WDR37: variants seen among roughly 807,000 people sequenced by gnomAD.
WDR37 encodes WD repeat domain 37, also known as WD repeat-containing protein 37.
Under a neutral mutation model 62.9 loss-of-function variants are expected in WDR37, and 19 were observed. That is an observed-to-expected ratio of 0.30 (90% CI 0.21 to 0.44). The LOEUF (loss-of-function observed/expected upper bound fraction) is 0.44. WDR37 is among the 20% of genes least tolerant of loss of function. WDR37 has a pLI of 1.00. For synonymous variants in WDR37, 250 were observed against 260.9 expected, an observed-to-expected ratio of 0.96 and a Z score of 0.40; for missense variants, 474 against 657.6, an observed-to-expected ratio of 0.72 and a Z score of 3.05.
intron 1 of WDR37, among the ~76,000 whole-genome samples, chr10:1,059,615 G>T (rs1833308826): frequency 6.6e-6 from 1 of 151,846 alleles, no homozygotes; most frequent in African/African-American, 2.4e-5. Flanking sequence ...TGGCCAGGAT[G>T]GTGAAACCCC....
Position 1,103,977 on chromosome 10 carries a change from T to G in WDR37, c.961+141T>G. 2.5e-6 allele frequency: 2 copies of G among 808,790 alleles called. No homozygotes were observed. Among genetic ancestry groups the G allele is most frequent in the Non-Finnish European group, 3.8e-6 (2 of 521,676 alleles). The allele number at this position is 808,790 out of a possible 1,614,324, so 50.1% of individuals were successfully genotyped here. ...CTCTTCTGTGGTAATTTTTGGAGATTCTTTCTATTAATAATAGAACTATTG... is the reference window on the plus strand; with the variant it reads ...CTCTTCTGTGGTAATTTTTGGAGATGCTTTCTATTAATAATAGAACTATTG... On this transcript the variant is annotated intron_variant, in intron 10 of 13. Transcript: ENST00000263150. The surrounding 1 kb of genome is among the most constrained non-coding windows in gnomAD (Gnocchi z 6.3).
chr10:1,101,529 C>G (rs531648738), intron 9 of WDR37, among the ~76,000 whole-genome samples: 1 of 152,162 alleles, frequency 6.6e-6, no homozygotes, highest in East Asian at 1.9e-4. Flanking sequence ...GTGAGGACTT[C>G]GACACAGGAA....
chr10:1,103,491 TG>T lies in WDR37; in HGVS notation c.727-109del. 1 of 1,166,342 alleles carries T rather than the reference TG, an allele frequency of 8.6e-7. No individual in the cohort carries two copies. Among genetic ancestry groups the T allele is most frequent in the Non-Finnish European group, 1.2e-6 (1 of 823,700 alleles). 72.2% of individuals were successfully genotyped at this position (1,166,342 alleles called of 1,614,324 possible). ...AGGCTCCTAGTGGTGACCATCATGA[TG>T]GATATGTCCTCAAGAGATTAATGAG... On this transcript the variant is annotated intron_variant, in intron 9 of 13. Transcript: ENST00000263150. This position sits in a 1 kb window ranked among gnomAD's most constrained non-coding sequence, Gnocchi z 6.3.
intron 13 of WDR37, among the ~76,000 whole-genome samples, chr10:1,127,772 G>A (rs1343980375): frequency 1.3e-5 from 2 of 152,116 alleles, no homozygotes; most frequent in African/African-American, 4.8e-5. Flanking sequence ...GGGGCCCCGT[G>A]CTGAGCGTCC....
At chr10:1,128,076 CTTATAA>C (rs1417990136) in intron 13 of WDR37, among the ~76,000 whole-genome samples, 1 of 152,140 alleles carries the variant, frequency 6.6e-6, no homozygotes, top group Non-Finnish European at 1.5e-5. Context: ...TGTGGTCTTT[CTTATAA>C]TTATTTTATT....
At position 1,130,558 on chromosome 10, in the gene WDR37, A is replaced by G. The variant is rs1835928770; in HGVS notation, c.*1214A>G. On this transcript the variant is annotated 3_prime_UTR_variant, in exon 14 of 14. Coordinates refer to ENST00000263150, the MANE Select transcript of WDR37 (RefSeq NM_014023.4). Reference sequence around the variant, plus strand: ...ACTGCTCACCTGGTATCTGTACGTTAATGTTTCTTGCTGAGTTACAGTTTT... The same window carrying G: ...ACTGCTCACCTGGTATCTGTACGTTGATGTTTCTTGCTGAGTTACAGTTTT... The G allele has an allele frequency of 6.6e-6, 1 of 152,242 alleles. No homozygotes were observed. The highest frequency in any genetic ancestry group is 2.4e-5 in the African/African-American group (1 of 41,414). The allele number at this position is 152,242 out of a possible 1,614,324, so 9.4% of individuals were successfully genotyped here.
intron 11 of WDR37, among the ~76,000 whole-genome samples, chr10:1,106,026 C>T (rs1835003318): frequency 6.6e-6 from 1 of 152,104 alleles, no homozygotes; most frequent in Non-Finnish European, 1.5e-5. Flanking sequence ...ACGTCGTGAT[C>T]CGCCTGTCTC....
intron 11 of WDR37, among the ~76,000 whole-genome samples, chr10:1,113,852 C>A (rs1188808952): frequency 1.3e-5 from 2 of 150,494 alleles, no homozygotes; most frequent in African/African-American, 2.4e-5. Flanking sequence ...TAAATGACAG[C>A]AAAGGATTTT....
intron 7 of WDR37, among the ~76,000 whole-genome samples, chr10:1,092,209 G>C (rs1030612973): frequency 1.3e-4 from 18 of 139,788 alleles, no homozygotes; most frequent in Admixed American, 6.5e-4. Context: ...GAAAATGATA[G>C]CTTCCTCAGA....
intron 1 of WDR37, among the ~76,000 whole-genome samples, chr10:1,060,435 A>AT (rs1833340142): frequency 6.6e-6 from 1 of 152,236 alleles, no homozygotes; most frequent in Non-Finnish European, 1.5e-5. Flanking sequence ...AGAGGGGACT[A>AT]TTTATAGTTT....
intron 2 of WDR37, among the ~76,000 whole-genome samples, chr10:1,072,653 G>A (rs552056580): frequency 2.4e-4 from 37 of 151,472 alleles, no homozygotes; most frequent in African/African-American, 8.7e-4. Context: ...TGTCTGTGAC[G>A]TTATAAAAGT....
chr10:1,092,904 C>G (rs1834448484), intron 7 of WDR37, among the ~76,000 whole-genome samples: 1 of 109,912 alleles, frequency 9.1e-6, no homozygotes, highest in Non-Finnish European at 1.9e-5. Flanking sequence ...AAAAAGAAGA[C>G]CTCTGCCAAA....
intron 3 of WDR37, 25 bp downstream of exon 3, chr10:1,078,028 C>T (rs372244294): frequency 1.3e-6 from 2 of 1,523,908 alleles, no homozygotes; most frequent in Non-Finnish European, 1.8e-6. Flanking sequence ...TTTTAATATA[C>T]TTTTATAGCT....
intron 1 of WDR37, among the ~76,000 whole-genome samples, chr10:1,059,617 T>C (rs1030456198): frequency 2.6e-5 from 4 of 151,640 alleles, no homozygotes; most frequent in African/African-American, 9.7e-5. Flanking sequence ...GCCAGGATGG[T>C]GAAACCCCGT....
chr10:1,090,116 G>A lies in WDR37; in HGVS notation c.605-3336G>A, dbSNP rs553914184. Among the ~76,000 whole-genome samples, 5 of 152,216 alleles carry A rather than the reference G, an allele frequency of 3.3e-5. No homozygotes were observed. The East Asian group carries it at 5.8e-4, about 18-fold the overall frequency. On this transcript the variant is annotated intron_variant, in intron 7 of 13. Coordinates refer to ENST00000263150, the MANE Select transcript of WDR37 (RefSeq NM_014023.4). ...CGAGTAGCTGGGATTATAGGTGCCC[G>A]CCACCACGCCTGGCTAAATTTTGTA...
intron 11 of WDR37, among the ~76,000 whole-genome samples, chr10:1,120,999 A>G (rs985899415): frequency 6.6e-6 from 1 of 152,086 alleles, no homozygotes; most frequent in African/African-American, 2.4e-5. Flanking sequence ...CAGCTGGAGG[A>G]GCACGCTCGG....
chr10:1,072,275 A>C lies in WDR37; in HGVS notation c.120A>C (p.Arg40Ser), dbSNP rs1564497909. ...SSEQERTGLP[R>S]DMLEGQDSKL... ...AGCAGGAGAGGACGGGACTGCCAAG[A>C]GACATGTTAGAAGGACAAGTAAGCT... Residue 40 changes from arginine (R) to serine (S), a missense_variant, in exon 2 of 14, where the codon AGA becomes AGC. Physicochemically the swap from Arg to Ser is moderately radical, Grantham distance 110 (BLOSUM62 -1). Transcript: ENST00000263150. 1.2e-6 allele frequency: 2 copies of C among 1,613,950 alleles called. No homozygotes were observed. Among genetic ancestry groups the C allele is most frequent in the Non-Finnish European group, 1.7e-6 (2 of 1,179,988 alleles).
chr10:1,129,484 C>A lies in WDR37; in HGVS notation c.*140C>A. ...TTGTATATGTTCTTTTCACATAGTG[C>A]CCAGCTTGCATGAAATGTACAGAGA... On this transcript the variant is annotated 3_prime_UTR_variant, in exon 14 of 14. Transcript: ENST00000263150. 2 of 1,250,774 alleles carry A rather than the reference C, an allele frequency of 1.6e-6. No homozygotes were observed. The highest frequency in any genetic ancestry group is 2.2e-6 in the Non-Finnish European group (2 of 913,752). 77.5% of individuals were successfully genotyped at this position (1,250,774 alleles called of 1,614,324 possible). A position where few individuals can be genotyped will look rare whatever the true frequency, so the allele number is the denominator to read the frequency against.
intron 1 of WDR37, among the ~76,000 whole-genome samples, chr10:1,063,883 A>G (rs1264365081): frequency 2.6e-5 from 4 of 152,264 alleles, no homozygotes; most frequent in Admixed American, 6.5e-5. Flanking sequence ...GGCCTGCTCT[A>G]ACAGAAGACT....
Sources: gnomAD v4.1 joint callset for allele counts (sites outside exome capture counted in the v4.1 genomes callset) on GRCh38, gnomAD v4.1.1 for gene constraint, Gnocchi (gnomAD v3.1) non-coding constraint, MANE v1.5 for transcripts, NCBI Gene and HGNC (gene_info 2026-07-23, HGNC 2026-07-21) for gene names.